LARGE1: variants seen among roughly 807,000 people sequenced by gnomAD.
The protein encoded by LARGE1 is LARGE xylosyl- and glucuronyltransferase 1.
LARGE1 carries 43 observed loss-of-function variants against 87.6 expected under a neutral mutation model. The observed-to-expected ratio is 0.49, with a 90% CI of 0.38 to 0.63. LARGE1 has a LOEUF of 0.63. Among genes scored for constraint, LARGE1 ranks in the 30% least tolerant of loss-of-function variants. LARGE1 has a pLI of 0.00. For synonymous variants in LARGE1, 434 were observed against 394.6 expected (o/e 1.10, Z -1.18); for missense variants, 802 against 1,000.2 (o/e 0.80, Z 2.67).
At position 33,272,511 on chromosome 22, in the gene LARGE1, T is replaced by C. The variant is rs1239244560; in HGVS notation, c.*1916A>G. On this transcript the variant is annotated 3_prime_UTR_variant, in exon 15 of 15. Coordinates refer to ENST00000397394, the MANE Select transcript of LARGE1 (RefSeq NM_133642.5). ...ACAAATTGGACTTTGACATGTACTT[T>C]CAAAATTTTTGTTCTGCTTTATACA... Among the ~76,000 whole-genome samples, 1 of 152,244 alleles carries C rather than the reference T, an allele frequency of 6.6e-6. No homozygotes were observed. Among genetic ancestry groups the C allele is most frequent in the Non-Finnish European group, 1.5e-5 (1 of 68,050 alleles).
exon 12 of LARGE1, chr22:33,163,144 A>G (rs570819585): frequency 2.0e-5 from 3 of 152,344 alleles, no homozygotes; most frequent in African/African-American, 7.2e-5. Context: ...TAGATGCATC[A>G]TATAAATTAT....
Position 33,802,035 on chromosome 22 carries a change from G to GAA in LARGE1, c.-82-40479_-82-40478dup, listed in dbSNP as rs55853555. ...AAAATGCCTGATAACTAACTCTGGA[G>GAA]AAAAAAAAAAAAGAGGGGTTAACAA... On this transcript the variant is annotated intron_variant, in intron 1 of 14. Transcript: ENST00000397394. 7.1e-4 allele frequency among the ~76,000 whole-genome samples: 103 copies of GAA among 144,422 alleles called. 1 individual carries two copies. In the South Asian group the frequency reaches 0.016, roughly 23 times the overall value. 94.7% of individuals were successfully genotyped at this position (144,422 alleles called of 152,430 possible).
chr22:33,431,992 T>C (rs2067096795), intron 7 of LARGE1, among the ~76,000 whole-genome samples, 169 bp downstream of exon 7: 1 of 152,184 alleles, frequency 6.6e-6, no homozygotes, highest in Non-Finnish European at 1.5e-5. Flanking sequence ...CCTGTGGGTA[T>C]AGCACCAAGA....
Position 33,540,272 on chromosome 22 carries a change from C to T in LARGE1, c.787+24576G>A, listed in dbSNP as rs537192536. On this transcript the variant is annotated intron_variant, in intron 6 of 14. Transcript: ENST00000397394. ...GTGAACCTCCATTCTGTGACTGGGG[C>T]GCCAAGAGGCCGGGCCTTGCCAAGT... Among the ~76,000 whole-genome samples, 432 of 152,314 alleles carry T rather than the reference C, an allele frequency of 2.8e-3. 2 individuals are homozygous for T. The highest frequency in any genetic ancestry group is 3.4e-3 in the Non-Finnish European group (232 of 68,018).
At chr22:33,198,389 T>C (rs1248801245) in intron 11 of LARGE1, among the ~76,000 whole-genome samples, 1 of 152,056 alleles carries the variant, frequency 6.6e-6, no homozygotes, top group Non-Finnish European at 1.5e-5. Flanking sequence ...ATCATGATCA[T>C]AGTTCGCTGC....
chr22:33,390,901 T>C (rs2065495028), intron 7 of LARGE1, among the ~76,000 whole-genome samples: 1 of 152,160 alleles, frequency 6.6e-6, no homozygotes, highest in Non-Finnish European at 1.5e-5. Context: ...TTCACCATGT[T>C]AGCCAGGCTG....
intron 1 of LARGE1, among the ~76,000 whole-genome samples, chr22:33,871,578 A>T (rs9306284): frequency 0.36 from 54,911 of 152,024 alleles, 10,164 homozygotes; most frequent in South Asian, 0.46. Flanking sequence ...GAGCATCTGG[A>T]ACCAGACCTT....
At chr22:33,765,731 T>TAAAC (rs2084881607) in intron 1 of LARGE1, among the ~76,000 whole-genome samples, 5 of 134,276 alleles carry the variant, frequency 3.7e-5, no homozygotes, top group African/African-American at 8.3e-5. Flanking sequence ...AAAAAAAAAG[T>TAAAC]TATAGACAAA....
intron 6 of LARGE1, among the ~76,000 whole-genome samples, chr22:33,443,896 A>G (rs1018446394): frequency 6.6e-6 from 1 of 152,244 alleles, no homozygotes; most frequent in African/African-American, 2.4e-5. Flanking sequence ...CACCTCTCAG[A>G]CGAGGCCTCC....
At chr22:33,915,012 AACACACACACACACAC>A (rs71320998) in intron 1 of LARGE1, among the ~76,000 whole-genome samples, 2 of 139,134 alleles carry the variant, frequency 1.4e-5, no homozygotes, top group Admixed American at 1.5e-4. Context: ...TACAAACACA[AACACACACACACACAC>A]ACACACACAC....
intron 1 of LARGE1, among the ~76,000 whole-genome samples, chr22:33,839,120 G>A (rs2063195080): frequency 6.6e-6 from 1 of 152,196 alleles, no homozygotes; most frequent in South Asian, 2.1e-4. Context: ...AGGTTTAACT[G>A]GCTCATGGTT....
intron 12 of LARGE1, among the ~76,000 whole-genome samples, chr22:33,296,559 TTTTTC>T (rs896300883): frequency 3.3e-5 from 5 of 149,998 alleles, no homozygotes; most frequent in South Asian, 2.1e-4. Context: ...TCCTTTTTCT[TTTTTC>T]TTTTCTTTTT....
At chr22:33,891,362 T>C (rs17747599) in intron 1 of LARGE1, among the ~76,000 whole-genome samples, 33,076 of 152,084 alleles carry the variant, frequency 0.22, 3,627 homozygotes, top group Middle Eastern at 0.25. Flanking sequence ...TTTTAAAAGA[T>C]TTATTCACTT....
Position 33,239,535 on chromosome 22 carries a change from C to CTTTTTTTTTTTTTT in LARGE1, c.1730+64680_1730+64693dup, listed in dbSNP as rs71187254. ...GCCTTACTATTTCTTTTTTTCTTTT[C>CTTTTTTTTTTTTTT]TTTTTTTTTTTTTTTTTTTTTGAGA... On this transcript the variant is annotated intron_variant, in intron 11 of 11. Coordinates refer to the LARGE1 transcript ENST00000608642. Among the ~76,000 whole-genome samples the CTTTTTTTTTTTTTT allele has an allele frequency of 3.5e-3, 329 of 95,322 alleles. 1 individual carries two copies. Among genetic ancestry groups the CTTTTTTTTTTTTTT allele is most frequent in the Non-Finnish European group, 5.0e-3 (244 of 49,120 alleles). The allele number at this position is 95,322 out of a possible 152,430, so 62.5% of individuals were successfully genotyped here. A position where few individuals can be genotyped will look rare whatever the true frequency, so the allele number is the denominator to read the frequency against.
At chr22:33,109,105 G>C in the LARGE1 span, 1 of 152,110 alleles carries the variant, frequency 6.6e-6, no homozygotes, top group African/African-American at 2.4e-5. Context: ...TTTCACAGAG[G>C]AGAAAACTGA....
At chr22:33,110,980 A>G in the LARGE1 span, among the ~76,000 whole-genome samples, 2 of 152,238 alleles carry the variant, frequency 1.3e-5, no homozygotes, top group Admixed American at 6.5e-5. Flanking sequence ...TAGGAGGCTT[A>G]TATAAAGATC....
chr22:33,159,656 C>G (rs1199407401), downstream of LARGE1, among the ~76,000 whole-genome samples: 1 of 150,892 alleles, frequency 6.6e-6, no homozygotes, highest in African/African-American at 2.4e-5. Flanking sequence ...ACAATCTCGG[C>G]TCACTGCAAG....
intron 9 of LARGE1, among the ~76,000 whole-genome samples, chr22:33,360,838 G>A (rs2064362318): frequency 6.7e-6 from 1 of 149,940 alleles, no homozygotes. Flanking sequence ...CCAGCCCACT[G>A]CCACTGGACT....
chr22:33,608,537 C>A (rs1016343148), intron 4 of LARGE1, among the ~76,000 whole-genome samples: 1 of 152,186 alleles, frequency 6.6e-6, no homozygotes, highest in Admixed American at 6.5e-5. Flanking sequence ...GGCTCCTTGT[C>A]CCTACTGTGA....
Sources: allele counts gnomAD v4.1 joint callset (sites outside exome capture counted in the v4.1 genomes callset), GRCh38; gene constraint gnomAD v4.1.1; transcripts MANE v1.5; gene names NCBI Gene and HGNC (gene_info 2026-07-23, HGNC 2026-07-21).